Variants in ARID1B observed in about 807,000 individuals in gnomAD.
ARID1B encodes AT-rich interaction domain 1B.
Under a neutral mutation model 212.3 loss-of-function variants are expected in ARID1B, and 30 were observed. The observed-to-expected ratio is 0.14, with a 90% CI of 0.11 to 0.19. ARID1B has a LOEUF of 0.19. ARID1B is among the 10% of genes least tolerant of loss of function. ARID1B has a pLI of 1.00. For synonymous variants in ARID1B, 1,402 were observed against 1,301.7 expected (o/e 1.08, Z -1.66); for missense variants, 2,891 against 3,204.0 (o/e 0.90, Z 2.36).
chr6:156,952,700 G>A (rs143046011), intron 4 of ARID1B, among the ~76,000 whole-genome samples: 45 of 152,330 alleles, frequency 3.0e-4, no homozygotes, highest in African/African-American at 9.4e-4. Context: ...GAAAGAGGCA[G>A]CCGTGTCATG....
chr6:156,901,538 C>T lies in ARID1B; in HGVS notation c.2136+13C>T, dbSNP rs2128211152. On this transcript the variant is annotated intron_variant, in intron 3 of 19. Transcript: ENST00000636930. ...CCAGCCGCAGCAGGTGAGCACAGTG[C>T]ACTGCCCCGCAGGGCCCTGTTTTCT... 1 of 1,611,104 alleles carries T rather than the reference C, an allele frequency of 6.2e-7. No individual in the cohort carries two copies.
chr6:157,079,810 A>G (rs1423883920), intron 4 of ARID1B, among the ~76,000 whole-genome samples: 1 of 152,250 alleles, frequency 6.6e-6, no homozygotes, highest in African/African-American at 2.4e-5. Flanking sequence ...ACTTGGCACA[A>G]GAAGTCACTA....
At position 157,175,019 on chromosome 6, in the gene ARID1B, G is replaced by GTTT; in HGVS notation, c.3504+21_3504+23dup. On this transcript the variant is annotated intron_variant, in intron 11 of 19. Coordinates refer to ENST00000636930, the MANE Select transcript of ARID1B (RefSeq NM_001374828.1). Reference sequence around the variant, plus strand: ...CCATCAAGCCCTGTAAGTGGCTCTGGTTTTTTTTTGTTTTTTTTGTTTTTT... The same window carrying GTTT: ...CCATCAAGCCCTGTAAGTGGCTCTGGTTTTTTTTTTTTGTTTTTTTTGTTTTTT... 1 of 1,343,866 alleles carries GTTT rather than the reference G, an allele frequency of 7.4e-7. No homozygotes were observed. Among genetic ancestry groups the GTTT allele is most frequent in the Non-Finnish European group, 9.7e-7 (1 of 1,034,990 alleles). The allele number at this position is 1,343,866 out of a possible 1,614,324, so 83.2% of individuals were successfully genotyped here. A position where few individuals can be genotyped will look rare whatever the true frequency, so the allele number is the denominator to read the frequency against.
chr6:157,174,846 G>A lies in ARID1B; in HGVS notation c.3346-1G>A. On this transcript the variant is annotated splice_acceptor_variant, in intron 10 of 19. Coordinates refer to ENST00000636930, the MANE Select transcript of ARID1B (RefSeq NM_001374828.1). LOFTEE classifies it high-confidence loss of function. ...TTTTTTTTTTTATTCCTCTACCACA[G>A]GATAGCTACAGCTCTCAGGGTATTT... 6.5e-7 allele frequency: 1 copy of A among 1,527,964 alleles called. No individual in the cohort carries two copies. Among genetic ancestry groups the A allele is most frequent in the Non-Finnish European group, 8.8e-7 (1 of 1,137,240 alleles). The allele number at this position is 1,527,964 out of a possible 1,614,324, so 94.7% of individuals were successfully genotyped here.
intron 4 of ARID1B, among the ~76,000 whole-genome samples, chr6:157,039,683 T>C (rs535306996): frequency 1.1e-5 from 1 of 92,574 alleles, no homozygotes; most frequent in African/African-American, 3.5e-5. Flanking sequence ...CCTTCCTTCC[T>C]TCCTTCCTTC....
chr6:157,145,273 G>A (rs1163016813), intron 7 of ARID1B, among the ~76,000 whole-genome samples: 2 of 152,138 alleles, frequency 1.3e-5, no homozygotes, highest in African/African-American at 2.4e-5. Flanking sequence ...GCCCGCTCTG[G>A]CCCACTACCT....
chr6:157,039,583 G>A (rs958620929), intron 4 of ARID1B, among the ~76,000 whole-genome samples: 6 of 150,626 alleles, frequency 4.0e-5, no homozygotes, highest in East Asian at 2.0e-4. Flanking sequence ...TCTGGAAGTC[G>A]GCAAGTATAT....
intron 4 of ARID1B, among the ~76,000 whole-genome samples, chr6:156,999,662 G>A (rs1023055683): frequency 2.6e-5 from 4 of 152,192 alleles, no homozygotes; most frequent in Non-Finnish European, 4.4e-5. Context: ...TGAGCATGCA[G>A]GTGCTGCTGA....
chr6:156,880,754 A>AG (rs1338821389), intron 2 of ARID1B, among the ~76,000 whole-genome samples: 1 of 95,366 alleles, frequency 1.0e-5, no homozygotes, highest in African/African-American at 4.4e-5. Flanking sequence ...AAAAAAAAAA[A>AG]AAAAAAAAAA....
intron 1 of ARID1B, among the ~76,000 whole-genome samples, chr6:156,806,697 G>A (rs1781183836): frequency 6.6e-6 from 1 of 152,188 alleles, no homozygotes; most frequent in Non-Finnish European, 1.5e-5. Context: ...CTGAGCTTTT[G>A]CACCTCACAC....
intron 3 of ARID1B, among the ~76,000 whole-genome samples, chr6:156,908,233 A>G (rs1374200055): frequency 1.3e-5 from 2 of 152,098 alleles, no homozygotes; most frequent in African/African-American, 2.4e-5. Context: ...TCTTTTGTCA[A>G]TATAGGCATA....
intron 8 of ARID1B, among the ~76,000 whole-genome samples, chr6:157,159,102 C>T (rs1278388577): frequency 6.6e-6 from 1 of 152,178 alleles, no homozygotes; most frequent in African/African-American, 2.4e-5. Context: ...GGCTCTAATC[C>T]ACACTGTGCG....
intron 15 of ARID1B, chr6:157,195,920 G>A: frequency 2.4e-6 from 1 of 410,992 alleles, no homozygotes. Context: ...AATTAGCCAG[G>A]TGTGGTGGTG....
chr6:156,891,726 CTCT>C (rs1562463550), intron 2 of ARID1B, among the ~76,000 whole-genome samples: 2 of 149,238 alleles, frequency 1.3e-5, no homozygotes, highest in Non-Finnish European at 2.9e-5. Flanking sequence ...CTCACCTCTG[CTCT>C]TTTTTTTCCC....
intron 5 of ARID1B, among the ~76,000 whole-genome samples, chr6:157,088,947 T>C (rs1785116442): frequency 6.6e-6 from 1 of 152,218 alleles, no homozygotes; most frequent in Admixed American, 6.5e-5. Context: ...TGTAGTCTTT[T>C]GTTTTCTTTC....
At chr6:157,039,886 C>CCTTCCTTCCTTA in intron 4 of ARID1B, among the ~76,000 whole-genome samples, 1 of 119,952 alleles carries the variant, frequency 8.3e-6, no homozygotes, top group Non-Finnish European at 1.7e-5. Context: ...CTTTTCTCTT[C>CCTTCCTTCCTTA]CTTCCTTCCT....
intron 3 of ARID1B, among the ~76,000 whole-genome samples, chr6:156,922,594 A>G (rs1294137256): frequency 6.6e-6 from 1 of 152,220 alleles, no homozygotes; most frequent in Non-Finnish European, 1.5e-5. Context: ...AGTTATTTAG[A>G]AAAGTATTAC....
intron 2 of ARID1B, among the ~76,000 whole-genome samples, chr6:156,860,988 CA>C (rs1284395259): frequency 6.6e-6 from 1 of 152,224 alleles, no homozygotes; most frequent in African/African-American, 2.4e-5. Context: ...AAAAGATACA[CA>C]TTCCAGGCCC....
rs182940354 is a variant in ARID1B at position 156,944,464 on chromosome 6, C to T, written c.2247+8888C>T. Among the ~76,000 whole-genome samples, 188 of 152,126 alleles carry T rather than the reference C, an allele frequency of 1.2e-3. 1 individual carries two copies. The highest frequency in any genetic ancestry group is 3.9e-3 in the African/African-American group (163 of 41,482). On this transcript the variant is annotated intron_variant, in intron 4 of 19. Transcript: ENST00000636930. ...TCTCCTGTATGATCAGTTTGGGAGC[C>T]GTGATGTCGTTGCATATAGGGAAGT...
Sources: gnomAD v4.1 joint callset for allele counts (sites outside exome capture counted in the v4.1 genomes callset) on GRCh38, gnomAD v4.1.1 for gene constraint, MANE v1.5 for transcripts, NCBI Gene and HGNC (gene_info 2026-07-23, HGNC 2026-07-21) for gene names.